KAT2B: variants seen among roughly 807,000 people sequenced by gnomAD.
KAT2B encodes the protein lysine acetyltransferase 2B.
In KAT2B, 36 loss-of-function variants were observed where a neutral mutation model predicts 105.9. The observed-to-expected ratio is 0.34, with a 90% CI of 0.26 to 0.45. The LOEUF is 0.45. KAT2B is among the 20% of genes least tolerant of loss of function. KAT2B has a pLI of 1.00. For missense variants in KAT2B, 820 were observed against 1,021.6 expected (o/e 0.80, Z 2.69); for synonymous variants, 397 against 377.9 (o/e 1.05, Z -0.59).
intron 2 of KAT2B, among the ~76,000 whole-genome samples, chr3:20,081,896 A>AT (rs1698526899): frequency 4.6e-5 from 4 of 86,292 alleles, no homozygotes; most frequent in African/African-American, 2.0e-4. Flanking sequence ...TATATGTATA[A>AT]ATGTATATAG....
At chr3:20,059,412 CAAAAAA>C (rs34763319) in intron 1 of KAT2B, among the ~76,000 whole-genome samples, 1 of 38,336 alleles carries the variant, frequency 2.6e-5, no homozygotes, top group Non-Finnish European at 4.5e-5. Context: ...GACTCTGTCT[CAAAAAA>C]AAAAAAAAAA....
intron 3 of KAT2B, among the ~76,000 whole-genome samples, chr3:20,097,439 A>T (rs2125196328): frequency 6.6e-6 from 1 of 152,320 alleles, no homozygotes; most frequent in African/African-American, 2.4e-5. Context: ...TCCTGCAAAA[A>T]GTATTATTCT....
intron 2 of KAT2B, among the ~76,000 whole-genome samples, chr3:20,073,237 A>G (rs1481394132): frequency 2.6e-5 from 4 of 152,192 alleles, no homozygotes; most frequent in Non-Finnish European, 4.4e-5. Context: ...CTTCAGTTAT[A>G]CAGTCTCCCC....
At chr3:20,130,638 G>A (rs939471487) in intron 11 of KAT2B, among the ~76,000 whole-genome samples, 1 of 152,054 alleles carries the variant, frequency 6.6e-6, no homozygotes, top group Non-Finnish European at 1.5e-5. Flanking sequence ...TATTTAATAC[G>A]AATTGGATAC....
chr3:20,049,107 A>G (rs576844729), intron 1 of KAT2B, among the ~76,000 whole-genome samples: 53 of 152,058 alleles, frequency 3.5e-4, no homozygotes, highest in African/African-American at 1.2e-3. Flanking sequence ...TGATCCGCCC[A>G]CCTTGGCCTC....
At chr3:20,044,775 A>C (rs997339510) in intron 1 of KAT2B, among the ~76,000 whole-genome samples, 4 of 152,250 alleles carry the variant, frequency 2.6e-5, no homozygotes, top group Non-Finnish European at 5.9e-5. Flanking sequence ...CCTGGTGCTT[A>C]TATTATGATT....
At chr3:20,094,082 A>C (rs190329999) in intron 2 of KAT2B, among the ~76,000 whole-genome samples, 1 of 152,264 alleles carries the variant, frequency 6.6e-6, no homozygotes, top group East Asian at 1.9e-4. Context: ...AGTCTGTCTG[A>C]GACTGTATTA....
chr3:20,128,949 G>C (rs1430627863), intron 11 of KAT2B, among the ~76,000 whole-genome samples: 6 of 145,712 alleles, frequency 4.1e-5, no homozygotes, highest in Non-Finnish European at 9.0e-5. Flanking sequence ...GGAGGTTGCA[G>C]TGAGCCAAGA....
chr3:20,063,647 A>G (rs975599306), intron 1 of KAT2B, among the ~76,000 whole-genome samples: 2 of 147,102 alleles, frequency 1.4e-5, no homozygotes, highest in African/African-American at 5.0e-5. Flanking sequence ...GGTTCAAGCA[A>G]TTCTCCTGCC....
At position 20,053,137 on chromosome 3, in the gene KAT2B, C is replaced by T. The variant is rs1316027205; in HGVS notation, c.303+12357C>T. Among the ~76,000 whole-genome samples, 3 of 152,186 alleles carry T rather than the reference C, an allele frequency of 2.0e-5. No homozygotes were observed. The East Asian group carries it at 5.8e-4, about 29-fold the overall frequency. On this transcript the variant is annotated intron_variant, in intron 1 of 17. Transcript: ENST00000263754. ...AGACTTGATGACAAGCAACAGTTAT[C>T]TTATGGCCTGAACGTCTCCTACAAA...
intron 11 of KAT2B, among the ~76,000 whole-genome samples, chr3:20,130,685 CA>C (rs1395285290): frequency 2.0e-5 from 3 of 152,146 alleles, no homozygotes; most frequent in African/African-American, 7.2e-5. Flanking sequence ...AATTCCCCCC[CA>C]TAACCATGTA....
chr3:20,058,600 A>G (rs960309881), intron 1 of KAT2B, among the ~76,000 whole-genome samples: 3 of 152,076 alleles, frequency 2.0e-5, no homozygotes, highest in African/African-American at 4.8e-5. Flanking sequence ...CCCACCCTGT[A>G]TACTTTCCTC....
At chr3:20,104,449 G>C (rs1057076717) in intron 5 of KAT2B, among the ~76,000 whole-genome samples, 4 of 152,064 alleles carry the variant, frequency 2.6e-5, no homozygotes, top group African/African-American at 9.7e-5. Context: ...TCAATATTCG[G>C]AGTAAAACCT....
intron 13 of KAT2B, among the ~76,000 whole-genome samples, chr3:20,141,785 G>C (rs1699698169): frequency 1.2e-5 from 1 of 80,932 alleles, no homozygotes; most frequent in Non-Finnish European, 2.2e-5. Flanking sequence ...GTGAGCAAAG[G>C]CTTTTTTTTT....
intron 1 of KAT2B, among the ~76,000 whole-genome samples, chr3:20,069,327 A>C (rs530558688): frequency 6.6e-6 from 1 of 152,222 alleles, no homozygotes; most frequent in Non-Finnish European, 1.5e-5. Context: ...CCAATGGTAG[A>C]TCAGGGCTGG....
At chr3:20,074,838 G>T (rs890109281) in intron 2 of KAT2B, among the ~76,000 whole-genome samples, 1 of 152,156 alleles carries the variant, frequency 6.6e-6, no homozygotes, top group African/African-American at 2.4e-5. Flanking sequence ...AGGAGCTTGT[G>T]CCTGTTATGT....
intron 13 of KAT2B, among the ~76,000 whole-genome samples, chr3:20,142,618 G>A (rs541374801): frequency 4.5e-4 from 69 of 152,308 alleles, no homozygotes; most frequent in Non-Finnish European, 7.2e-4. Context: ...ACCAAGAGTG[G>A]AGAGTTAAGT....
rs1699304529 is a variant in KAT2B, at chr3:20,121,380, A to G, written c.1277-1288A>G. Among the ~76,000 whole-genome samples, 4 of 152,350 alleles carry G rather than the reference A, an allele frequency of 2.6e-5. 1 individual carries two copies. Among genetic ancestry groups the G allele is most frequent in the South Asian group, 4.1e-4 (2 of 4,830 alleles). On this transcript the variant is annotated intron_variant, in intron 8 of 17. Transcript: ENST00000263754. ...TTAAAAATTCAAAAAATTTACTTGT[A>G]AAAATAAATACATGTTATGTCTGGA...
chr3:20,091,194 T>TAAGGAGA (rs1447583121), intron 2 of KAT2B, among the ~76,000 whole-genome samples: 4 of 152,202 alleles, frequency 2.6e-5, no homozygotes, highest in African/African-American at 9.6e-5. Context: ...TTGTTATTAG[T>TAAGGAGA]TTGTTCAGAT....
Sources: allele counts gnomAD v4.1 joint callset (sites outside exome capture counted in the v4.1 genomes callset), GRCh38; gene constraint gnomAD v4.1.1; transcripts MANE v1.5; gene names NCBI Gene and HGNC (gene_info 2026-07-23, HGNC 2026-07-21).